EPHB1: variants seen among roughly 807,000 people sequenced by gnomAD.
EPHB1 encodes ephrin type-B receptor 1.
Under a neutral mutation model 94.4 loss-of-function variants are expected in EPHB1, and 30 were observed. The observed-to-expected ratio is 0.32, with a 90% CI of 0.24 to 0.43. The LOEUF (loss-of-function observed/expected upper bound fraction) is 0.43. Among genes scored for constraint, EPHB1 ranks in the 20% least tolerant of loss-of-function variants. EPHB1 has a pLI of 1.00. For missense variants in EPHB1, 1,055 were observed against 1,308.3 expected, an observed-to-expected ratio of 0.81 and a Z score of 2.99; for synonymous variants, 522 against 489.1, an observed-to-expected ratio of 1.07 and a Z score of -0.89.
At chr3:134,907,850 TC>T (rs1180937835) in intron 1 of EPHB1, among the ~76,000 whole-genome samples, 1 of 152,234 alleles carries the variant, frequency 6.6e-6, no homozygotes, top group Admixed American at 6.5e-5. Flanking sequence ...ATTGTCTATG[TC>T]AGTGTTTGCC....
At chr3:134,847,757 C>G (rs983181974) in intron 1 of EPHB1, among the ~76,000 whole-genome samples, 1 of 152,154 alleles carries the variant, frequency 6.6e-6, no homozygotes. Flanking sequence ...GAGCAGAAAT[C>G]GCATATGTGG....
chr3:135,213,203 T>G (rs1037495332), intron 12 of EPHB1, among the ~76,000 whole-genome samples: 7 of 152,240 alleles, frequency 4.6e-5, no homozygotes, highest in Non-Finnish European at 1.0e-4. Context: ...CCCAGGAGCA[T>G]TTCCTTCCCA....
At chr3:135,060,110 A>T (rs567064812) in intron 3 of EPHB1, among the ~76,000 whole-genome samples, 1 of 152,358 alleles carries the variant, frequency 6.6e-6, no homozygotes, top group South Asian at 2.1e-4. Flanking sequence ...CTGCGCAATC[A>T]TTACCGTGAT....
At chr3:135,081,113 GGAA>G (rs1233130473) in intron 3 of EPHB1, among the ~76,000 whole-genome samples, 3 of 152,136 alleles carry the variant, frequency 2.0e-5, no homozygotes, top group Admixed American at 6.5e-5. Flanking sequence ...GAGGGGAGGT[GGAA>G]GAAGGAGGAG....
At chr3:135,242,067 G>A (rs76497330) in intron 13 of EPHB1, among the ~76,000 whole-genome samples, 1,601 of 152,316 alleles carry the variant, frequency 0.011, 23 homozygotes, top group African/African-American at 0.037. Context: ...ACTAAAAGGT[G>A]AGGAAGCCTT....
intron 3 of EPHB1, among the ~76,000 whole-genome samples, chr3:135,000,061 C>G (rs1935126201): frequency 6.6e-6 from 1 of 152,186 alleles, no homozygotes; most frequent in Admixed American, 6.5e-5. Context: ...AAGTAGTTCT[C>G]TCACCCCTAT....
chr3:134,900,839 G>A (rs1045706569), intron 1 of EPHB1, among the ~76,000 whole-genome samples: 10 of 152,138 alleles, frequency 6.6e-5, no homozygotes, highest in Admixed American at 5.9e-4. Flanking sequence ...GTGTGTGTTG[G>A]AGGGTGTTGT....
At chr3:135,187,416 G>A (rs1023799678) in intron 10 of EPHB1, among the ~76,000 whole-genome samples, 1 of 152,128 alleles carries the variant, frequency 6.6e-6, no homozygotes, top group African/African-American at 2.4e-5. Context: ...CAAGTAAAAC[G>A]AAGCTCTTTA....
chr3:135,112,154 G>A (rs951896540), intron 4 of EPHB1, among the ~76,000 whole-genome samples: 8 of 152,168 alleles, frequency 5.3e-5, no homozygotes, highest in Non-Finnish European at 1.2e-4. Context: ...TGACTGATGG[G>A]CACCATTTGC....
intron 10 of EPHB1, among the ~76,000 whole-genome samples, chr3:135,184,443 G>A (rs1942275937): frequency 6.6e-6 from 1 of 152,192 alleles, no homozygotes. Flanking sequence ...TAATTATTAA[G>A]TAATTATTTG....
chr3:135,208,884 C>T (rs894934831), intron 12 of EPHB1, among the ~76,000 whole-genome samples: 1 of 152,128 alleles, frequency 6.6e-6, no homozygotes, highest in Non-Finnish European at 1.5e-5. Flanking sequence ...AACCAGGACT[C>T]ATTAGAGACA....
Position 135,052,909 on chromosome 3 carries a change from A to ATG in EPHB1, c.806-53517_806-53516dup, listed in dbSNP as rs745760849. Among the ~76,000 whole-genome samples the ATG allele has an allele frequency of 1.8e-3, 124 of 68,840 alleles. 1 individual carries two copies. Among genetic ancestry groups the ATG allele is most frequent in the East Asian group, 8.5e-3 (23 of 2,702 alleles). 45.2% of individuals were successfully genotyped at this position (68,840 alleles called of 152,430 possible). A position where few individuals can be genotyped will look rare whatever the true frequency, so the allele number is the denominator to read the frequency against. On this transcript the variant is annotated intron_variant, in intron 3 of 15. Transcript: ENST00000398015. Reference sequence around the variant, plus strand: ...AAAAAAAATATATATATATATATATATGTGTGTGTGTGTGTGTGTGTGTAT... The same window carrying ATG: ...AAAAAAAATATATATATATATATATATGTGTGTGTGTGTGTGTGTGTGTGTAT...
intron 5 of EPHB1, among the ~76,000 whole-genome samples, chr3:135,147,718 A>T (rs1463085508): frequency 6.6e-6 from 1 of 152,196 alleles, no homozygotes; most frequent in Non-Finnish European, 1.5e-5. Context: ...GGAATTTTAG[A>T]TGTGAAAGTA....
chr3:134,868,349 AT>A (rs2037423756), intron 1 of EPHB1, among the ~76,000 whole-genome samples: 1 of 152,134 alleles, frequency 6.6e-6, no homozygotes, highest in Non-Finnish European at 1.5e-5. Context: ...ATGGGTGGTA[AT>A]TTACCCTCAT....
intron 2 of EPHB1, among the ~76,000 whole-genome samples, chr3:134,930,023 A>G (rs1308123449): frequency 1.3e-5 from 2 of 151,954 alleles, no homozygotes; most frequent in African/African-American, 2.4e-5. Flanking sequence ...GGAGGCCTCA[A>G]AGGAACTGGG....
At chr3:135,178,840 G>T (rs1440875755) in intron 9 of EPHB1, among the ~76,000 whole-genome samples, 1 of 152,166 alleles carries the variant, frequency 6.6e-6, no homozygotes, top group Non-Finnish European at 1.5e-5. Context: ...ACCTGGCAGA[G>T]AAAGCCCCTA....
intron 1 of EPHB1, among the ~76,000 whole-genome samples, chr3:134,914,336 A>G (rs1171542906): frequency 6.6e-6 from 1 of 152,242 alleles, no homozygotes; most frequent in Non-Finnish European, 1.5e-5. Context: ...GTGCTTGGTA[A>G]ATAATATTTT....
chr3:134,828,211 G>C (rs2036520858), intron 1 of EPHB1, among the ~76,000 whole-genome samples: 1 of 152,170 alleles, frequency 6.6e-6, no homozygotes, highest in Middle Eastern at 3.2e-3. Context: ...GGCATTTGGG[G>C]CTTTTGGTGA....
chr3:135,171,009 C>A (rs1941788635), intron 9 of EPHB1, among the ~76,000 whole-genome samples: 1 of 152,156 alleles, frequency 6.6e-6, no homozygotes, highest in Non-Finnish European at 1.5e-5. Flanking sequence ...TTGGCAAACA[C>A]CCTAGTTTTC....
Sources: gnomAD v4.1 joint callset for allele counts (sites outside exome capture counted in the v4.1 genomes callset) on GRCh38, gnomAD v4.1.1 for gene constraint, MANE v1.5 for transcripts, NCBI Gene and HGNC (gene_info 2026-07-23, HGNC 2026-07-21) for gene names.